UGT1A10: variants seen among roughly 807,000 people sequenced by gnomAD.
UGT1A10 encodes UDP-glucuronosyltransferase 1A10.
A neutral mutation model predicts 45.8 loss-of-function variants in UGT1A10; 49 were observed. The observed-to-expected ratio is 1.07, with a 90% CI of 0.85 to 1.36. UGT1A10 has a LOEUF of 1.36. UGT1A10 is among the 40% of genes most tolerant of loss of function. UGT1A10 has a pLI of 0.00. For missense variants in UGT1A10, 745 were observed against 668.6 expected (o/e 1.11, Z -1.26); for synonymous variants, 284 against 249.7 (o/e 1.14, Z -1.29).
intron 1 of UGT1A10, among the ~76,000 whole-genome samples, chr2:233,690,256 C>T (rs1001028460): frequency 3.3e-5 from 5 of 152,190 alleles, no homozygotes; most frequent in Non-Finnish European, 7.3e-5. Flanking sequence ...TTTTAAGTCT[C>T]AAACATTTTG....
At chr2:233,712,068 A>G (rs1488052828) in intron 1 of UGT1A10, among the ~76,000 whole-genome samples, 1 of 152,218 alleles carries the variant, frequency 6.6e-6, no homozygotes, top group Non-Finnish European at 1.5e-5. Context: ...AATCTTCAGG[A>G]TGAAATAAAG....
rs573286895 is a variant in UGT1A10 at position 233,649,118 on chromosome 2, T to G, written c.855+11741T>G. 9.4e-5 allele frequency: 69 copies of G among 731,970 alleles called. No homozygotes were observed. In the African/African-American group the frequency reaches 1.2e-3, roughly 13 times the overall value. 45.3% of individuals were successfully genotyped at this position (731,970 alleles called of 1,614,324 possible). A position where few individuals can be genotyped will look rare whatever the true frequency, so the allele number is the denominator to read the frequency against. On this transcript the variant is annotated intron_variant, in intron 1 of 4. Transcript: ENST00000344644. ...GGAACTGGGATTTGACATTTGTGTT[T>G]GTTGCATCTAAAATTTCTTTTCTGT...
rs750446316 is a variant in UGT1A10, at chr2:233,729,731, C to T, written c.856-37303C>T. On this transcript the variant is annotated intron_variant, in intron 1 of 4. Coordinates refer to ENST00000344644, the MANE Select transcript of UGT1A10 (RefSeq NM_019075.4). ...ATTCCTAGATTACTAACAACCAATT[C>T]AGACCACATGACATTCATGCAAAGG... The T allele has an allele frequency of 2.3e-5, 37 of 1,613,888 alleles. No homozygotes were observed. The Middle Eastern group carries it at 1.3e-3, about 57-fold the overall frequency.
intron 1 of UGT1A10, among the ~76,000 whole-genome samples, chr2:233,665,637 T>C (rs571498764): frequency 2.6e-5 from 4 of 152,322 alleles, no homozygotes; most frequent in South Asian, 2.1e-4. Flanking sequence ...GGCTCTGAGG[T>C]CTAAGGGCAG....
intron 1 of UGT1A10, among the ~76,000 whole-genome samples, chr2:233,639,188 T>C (rs920633175): frequency 6.6e-6 from 1 of 152,256 alleles, no homozygotes; most frequent in Admixed American, 6.5e-5. Flanking sequence ...TCATTTATTT[T>C]GATTGTAAAT....
At chr2:233,761,445 T>C (rs1438331604) in intron 1 of UGT1A10, among the ~76,000 whole-genome samples, 2 of 152,234 alleles carry the variant, frequency 1.3e-5, no homozygotes, top group African/African-American at 4.8e-5. Flanking sequence ...CACAGAATGC[T>C]GGGTTTGGGG....
At chr2:233,704,707 C>A (rs545458550) in intron 1 of UGT1A10, among the ~76,000 whole-genome samples, 1 of 152,192 alleles carries the variant, frequency 6.6e-6, no homozygotes, top group African/African-American at 2.4e-5. Flanking sequence ...CATTTCTTAG[C>A]CCAATTTGCC....
rs569090035 is a variant in UGT1A10 at position 233,656,908 on chromosome 2, C to A, written c.855+19531C>A. Reference sequence around the variant, plus strand: ...CACGCACATGCTTCATGTGGCATCTCCCTTAGTTAAACATCTTTTTTTTTT... The same window carrying A: ...CACGCACATGCTTCATGTGGCATCTACCTTAGTTAAACATCTTTTTTTTTT... On this transcript the variant is annotated intron_variant, in intron 1 of 4. Transcript: ENST00000344644. Among the ~76,000 whole-genome samples, 20 of 152,008 alleles carry A rather than the reference C, an allele frequency of 1.3e-4. No individual in the cohort carries two copies. In the South Asian group the frequency reaches 3.7e-3, roughly 28 times the overall value.
intron 1 of UGT1A10, among the ~76,000 whole-genome samples, chr2:233,711,879 A>G (rs2076201589): frequency 6.6e-6 from 1 of 152,226 alleles, no homozygotes; most frequent in Non-Finnish European, 1.5e-5. Context: ...TTTCTGGAGC[A>G]GGACGAGTCT....
At chr2:233,680,103 G>A (rs1047643443) in intron 1 of UGT1A10, among the ~76,000 whole-genome samples, 5 of 151,792 alleles carry the variant, frequency 3.3e-5, no homozygotes, top group South Asian at 2.1e-4. Flanking sequence ...CAATCATAGC[G>A]GCAGAGCTCA....
chr2:233,697,882 A>T (rs28898578), intron 1 of UGT1A10, among the ~76,000 whole-genome samples: 1 of 152,322 alleles, frequency 6.6e-6, no homozygotes, highest in East Asian at 1.9e-4. Flanking sequence ...ATTTCTTACC[A>T]TTGATTGAAT....
At chr2:233,733,467 T>C (rs1231122039) in intron 1 of UGT1A10, among the ~76,000 whole-genome samples, 1 of 152,200 alleles carries the variant, frequency 6.6e-6, no homozygotes, top group African/African-American at 2.4e-5. Context: ...GCTCTTATTA[T>C]TTTGAGATAC....
intron 1 of UGT1A10, among the ~76,000 whole-genome samples, chr2:233,735,640 G>A (rs879325223): frequency 3.9e-5 from 6 of 152,140 alleles, no homozygotes; most frequent in Admixed American, 3.9e-4. Flanking sequence ...TTTTTGCAGT[G>A]GCTGGTACTG....
At chr2:233,762,380 T>C (rs1370857903) in intron 1 of UGT1A10, among the ~76,000 whole-genome samples, 1 of 152,256 alleles carries the variant, frequency 6.6e-6, no homozygotes, top group Non-Finnish European at 1.5e-5. Context: ...AATATGTATA[T>C]AGAAACATAT....
At chr2:233,731,530 C>T (rs149780205) in intron 1 of UGT1A10, among the ~76,000 whole-genome samples, 2,259 of 152,174 alleles carry the variant, frequency 0.015, 22 homozygotes, top group Non-Finnish European at 0.022. Flanking sequence ...TGAGAACATG[C>T]GGTGTTTGGT....
At chr2:233,721,315 T>C (rs1187847952) in intron 1 of UGT1A10, among the ~76,000 whole-genome samples, 1 of 152,192 alleles carries the variant, frequency 6.6e-6, no homozygotes, top group Non-Finnish European at 1.5e-5. Context: ...ATTGTGGCTC[T>C]TTTCTTGTGG....
At chr2:233,686,602 G>GTC (rs989920635) in intron 1 of UGT1A10, among the ~76,000 whole-genome samples, 19 of 151,924 alleles carry the variant, frequency 1.3e-4, no homozygotes, top group African/African-American at 3.9e-4. Context: ...TTCTTTGACT[G>GTC]TCTCTCTCTC....
Position 233,694,015 on chromosome 2 carries a change from CAT to C in UGT1A10, c.855+56640_855+56641del, listed in dbSNP as rs2075195647. 2.9e-6 allele frequency: 4 copies of C among 1,382,808 alleles called. No homozygotes were observed. The East Asian group carries it at 9.1e-5, about 32-fold the overall frequency. The allele number at this position is 1,382,808 out of a possible 1,614,324, so 85.7% of individuals were successfully genotyped here. ...TACCCGGCTCGGAGCAGCGGGAACA[CAT>C]AGGAGACCTGAGGCTGAAGTGATAC... is the stretch of plus-strand genomic sequence containing the variant. On this transcript the variant is annotated intron_variant, in intron 1 of 4. Coordinates refer to ENST00000344644, the MANE Select transcript of UGT1A10 (RefSeq NM_019075.4).
chr2:233,692,763 G>GAGAAACACCC, intron 1 of UGT1A10: 1 of 1,239,150 alleles, frequency 8.1e-7, no homozygotes, highest in Non-Finnish European at 1.0e-6. Context: ...TGGAGCTGAA[G>GAGAAACACCC]AGAAACACCC....
Sources: gnomAD v4.1 joint callset for allele counts (sites outside exome capture counted in the v4.1 genomes callset) on GRCh38, gnomAD v4.1.1 for gene constraint, MANE v1.5 for transcripts, NCBI Gene and HGNC (gene_info 2026-07-23, HGNC 2026-07-21) for gene names.